The following CELSR1 variants were observed in gnomAD, a reference collection of about 807,000 sequenced individuals.
The protein encoded by CELSR1 is adhesion G protein-coupled receptor C1.
Under a neutral mutation model 249.1 loss-of-function variants are expected in CELSR1, and 110 were observed. The observed-to-expected ratio is 0.44, with a 90% CI of 0.38 to 0.52. The LOEUF (loss-of-function observed/expected upper bound fraction) is 0.52. Among genes scored for constraint, CELSR1 ranks in the 20% least tolerant of loss-of-function variants. The probability of loss-of-function intolerance (pLI) is 0.00; values close to 1 mark genes in which losing one functional copy is unlikely to be tolerated. For missense variants in CELSR1, 4,109 were observed against 4,296.4 expected, an observed-to-expected ratio of 0.96 and a Z score of 1.22; for synonymous variants, 2,113 against 1,900.0, an observed-to-expected ratio of 1.11 and a Z score of -2.92.
intron 2 of CELSR1, among the ~76,000 whole-genome samples, chr22:46,451,183 C>T (rs2079879825): frequency 6.6e-6 from 1 of 152,152 alleles, no homozygotes; most frequent in Non-Finnish European, 1.5e-5. Flanking sequence ...TCCTGAGTCA[C>T]ACCTACAGGC....
At chr22:46,450,016 G>A (rs2079865571) in intron 2 of CELSR1, among the ~76,000 whole-genome samples, 2 of 150,270 alleles carry the variant, frequency 1.3e-5, no homozygotes, top group Non-Finnish European at 3.0e-5. Context: ...TCCCACCGCA[G>A]GGCAGTGGAG....
At chr22:46,364,439 C>A in intron 33 of CELSR1, 73 bp downstream of exon 33, 1 of 1,535,070 alleles carries the variant, frequency 6.5e-7, no homozygotes, top group South Asian at 1.2e-5. Flanking sequence ...CAGCCCCACT[C>A]CCACCTCCAG....
At chr22:46,397,653 G>A in intron 12 of CELSR1, 21 bp downstream of exon 12, 1 of 1,452,164 alleles carries the variant, frequency 6.9e-7, no homozygotes, top group Non-Finnish European at 9.2e-7. Context: ...TCACTGAAGG[G>A]CCCCGGGAGG....
intron 2 of CELSR1, among the ~76,000 whole-genome samples, chr22:46,458,025 C>T (rs917575571): frequency 3.9e-5 from 6 of 152,204 alleles, no homozygotes; most frequent in South Asian, 2.1e-4. Flanking sequence ...GGGCGGAGGA[C>T]GCTGCTGTCT....
At chr22:46,373,159 C>T in intron 24 of CELSR1, 102 bp from the exon 25 acceptor site, 1 of 1,252,154 alleles carries the variant, frequency 8.0e-7, no homozygotes, top group Non-Finnish European at 1.1e-6. Flanking sequence ...CAATTCGGAC[C>T]ACCCTATGTG....
rs1359391350 is a variant in CELSR1 at position 46,428,887 on chromosome 22, G to A, written c.4611+4506C>T. The stretch of plus-strand genomic sequence containing the variant: ...TGTCCCTGCCTCCCCAGCTGGCCAG[G>A]AGACTGTGCTCCAGGCTCTGGGCAG... On this transcript the variant is annotated intron_variant, in intron 5 of 34. Coordinates refer to ENST00000674500, the MANE Select transcript of CELSR1 (RefSeq NM_001378328.1). The surrounding 1 kb of genome is among the most constrained non-coding windows in gnomAD (Gnocchi z 5.7). Among the ~76,000 whole-genome samples the A allele has an allele frequency of 6.6e-6, 1 of 152,180 alleles. No individual in the cohort carries two copies. The highest frequency in any genetic ancestry group is 2.4e-5 in the African/African-American group (1 of 41,446).
rs967420230 is a variant in CELSR1 at position 46,434,519 on chromosome 22, T to C, written c.4523-1038A>G. 2.0e-5 allele frequency among the ~76,000 whole-genome samples: 3 copies of C among 152,244 alleles called. No homozygotes were observed. Among genetic ancestry groups the C allele is most frequent in the Admixed American group, 1.3e-4 (2 of 15,290 alleles). ...CGGAGGGCTATGGCCACCTCTCCCA[T>C]GGTGGTTGGCTGCTGTTACAGGTGC... On this transcript the variant is annotated intron_variant, in intron 4 of 34. Transcript: ENST00000674500. This position sits in a 1 kb window ranked among gnomAD's most constrained non-coding sequence, Gnocchi z 4.9.
chr22:46,459,740 G>T (rs1249065740), intron 2 of CELSR1, among the ~76,000 whole-genome samples: 1 of 152,210 alleles, frequency 6.6e-6, no homozygotes, highest in Non-Finnish European at 1.5e-5. Flanking sequence ...GTCCCTGGGG[G>T]CAAAATCACC....
intron 1 of CELSR1, among the ~76,000 whole-genome samples, chr22:46,522,203 G>C (rs2080693251): frequency 6.6e-6 from 1 of 152,168 alleles, no homozygotes; most frequent in Non-Finnish European, 1.5e-5. Flanking sequence ...TCAGCTCACT[G>C]CAACCTCCAC....
intron 1 of CELSR1, among the ~76,000 whole-genome samples, chr22:46,524,571 T>TGTG (rs1491525316): frequency 2.1e-5 from 1 of 46,936 alleles, no homozygotes; most frequent in South Asian, 7.7e-4. Context: ...TGTGTGTGTG[T>TGTG]CTGTCTGTCT....
rs897627842 is a variant in CELSR1, at chr22:46,517,309, C to G, written c.3544+16318G>C. 1.3e-5 allele frequency among the ~76,000 whole-genome samples: 2 copies of G among 152,258 alleles called. No individual in the cohort carries two copies. Among genetic ancestry groups the G allele is most frequent in the Admixed American group, 6.5e-5 (1 of 15,294 alleles). ...AACAGGAGGGAAGAGAGAATTCCTG[C>G]CACAAATGCAATGGGTTTCCCGGGC... On this transcript the variant is annotated intron_variant, in intron 1 of 34. Coordinates refer to ENST00000674500, the MANE Select transcript of CELSR1 (RefSeq NM_001378328.1). The surrounding 1 kb of genome is among the most constrained non-coding windows in gnomAD (Gnocchi z 5.4).
Position 46,526,552 on chromosome 22 carries a change from T to G in CELSR1, c.3544+7075A>C, listed in dbSNP as rs1475287610. ...ACAGAGGCCACCAAGGACCTGCCCT[T>G]GGCTAACCCATCACATCTCTGTCCC... On this transcript the variant is annotated intron_variant, in intron 1 of 34. Coordinates refer to ENST00000674500, the MANE Select transcript of CELSR1 (RefSeq NM_001378328.1). The surrounding 1 kb of genome is among the most constrained non-coding windows in gnomAD (Gnocchi z 4.7). Among the ~76,000 whole-genome samples, 4 of 152,136 alleles carry G rather than the reference T, an allele frequency of 2.6e-5. No homozygotes were observed. The highest frequency in any genetic ancestry group is 4.4e-5 in the Non-Finnish European group (3 of 68,024).
At chr22:46,384,272 C>G (rs916340720) in intron 20 of CELSR1, among the ~76,000 whole-genome samples, 4 of 152,186 alleles carry the variant, frequency 2.6e-5, no homozygotes, top group Non-Finnish European at 4.4e-5. Flanking sequence ...TGCTTACGCT[C>G]CAATGAGCAT....
rs1169814387 is a variant in CELSR1, at chr22:46,409,374, T to C, written c.5060-212A>G. ...AGCGCACCCTGGGACGTGAGCCTCCTTGCTGGGAAGCATGAAGATCTGCAG... is the reference window on the plus strand; with the variant it reads ...AGCGCACCCTGGGACGTGAGCCTCCCTGCTGGGAAGCATGAAGATCTGCAG... On this transcript the variant is annotated intron_variant, in intron 8 of 34. Coordinates refer to ENST00000674500, the MANE Select transcript of CELSR1 (RefSeq NM_001378328.1). This position sits in a 1 kb window ranked among gnomAD's most constrained non-coding sequence, Gnocchi z 9.8. 6.6e-6 allele frequency among the ~76,000 whole-genome samples: 1 copy of C among 152,136 alleles called. No individual in the cohort carries two copies. Among genetic ancestry groups the C allele is most frequent in the Non-Finnish European group, 1.5e-5 (1 of 68,016 alleles).
chr22:46,511,981 A>G (rs2080578624), intron 1 of CELSR1, among the ~76,000 whole-genome samples: 1 of 152,018 alleles, frequency 6.6e-6, no homozygotes, highest in Non-Finnish European at 1.5e-5. Context: ...TCCTGGTGTC[A>G]GCTCTTACAA....
chr22:46,536,227 G>A lies in CELSR1; in HGVS notation c.944C>T (p.Thr315Ile). The A allele has an allele frequency of 6.2e-7, 1 of 1,612,478 alleles. No homozygotes were observed. The highest frequency in any genetic ancestry group is 8.5e-7 in the Non-Finnish European group (1 of 1,179,976). The change falls in exon 1 of 35, where the codon ACC becomes ATC. Residue 315 changes from threonine (T) to isoleucine (I), a missense_variant. Around this residue, in one of 7 missense-constraint regions of CELSR1, gnomAD observed 673 missense variants for 636.8 expected, o/e 1.06. Transcript: ENST00000674500. ...CACCCTGAGGACGTGCGTCTCCTTG[G>A]TCTCGCGGTCCAGTACGCTGTCCGT... ...VSTDSVLDRETKETHVLRVKA... is the reference protein window; with the variant it reads ...VSTDSVLDREIKETHVLRVKA...
chr22:46,370,134 T>C (rs1347156495), intron 25 of CELSR1: 2 of 477,232 alleles, frequency 4.2e-6, no homozygotes, highest in South Asian at 3.1e-5. Flanking sequence ...AGGCAGACGG[T>C]GCTTGGGAGG....
chr22:46,366,890 G>C, intron 29 of CELSR1, 103 bp downstream of exon 29: 1 of 1,443,934 alleles, frequency 6.9e-7, no homozygotes, highest in Non-Finnish European at 9.2e-7. Flanking sequence ...CCACCGTGAG[G>C]GGCATACGGG....
At chr22:46,366,522 A>T in intron 29 of CELSR1, 42 bp from the exon 30 acceptor site, 1 of 1,409,742 alleles carries the variant, frequency 7.1e-7, no homozygotes, top group Admixed American at 2.0e-5. Context: ...AGTGGTGGCC[A>T]CCACATGACC....
Sources: allele counts gnomAD v4.1 joint callset (sites outside exome capture counted in the v4.1 genomes callset), GRCh38; gene constraint gnomAD v4.1.1; regional missense constraint gnomAD v4.1.1; non-coding constraint Gnocchi (gnomAD v3.1); transcripts MANE v1.5; gene names NCBI Gene and HGNC (gene_info 2026-07-23, HGNC 2026-07-21).